The following PCDH15 variants were observed in gnomAD, a reference collection of about 807,000 sequenced individuals.
PCDH15 encodes the protein protocadherin related 15.
In PCDH15, 129 loss-of-function variants were observed where a neutral mutation model predicts 178.5. That is an observed-to-expected ratio of 0.72 (90% CI 0.63 to 0.84). The LOEUF (loss-of-function observed/expected upper bound fraction) is 0.84. Among genes scored for constraint, PCDH15 ranks in the 40% least tolerant of loss-of-function variants. PCDH15 has a pLI of 0.00. For synonymous variants in PCDH15, 800 were observed against 732.0 expected (o/e 1.09, Z -1.50); for missense variants, 2,230 against 2,099.9 (o/e 1.06, Z -1.21).
intron 23 of PCDH15, among the ~76,000 whole-genome samples, chr10:53,951,458 T>C (rs1310892565): frequency 1.3e-5 from 2 of 152,148 alleles, no homozygotes; most frequent in Non-Finnish European, 2.9e-5. Flanking sequence ...GGAAAGATAG[T>C]AGAGCAAGAA....
chr10:55,498,497 C>T (rs961330700), intron 2 of PCDH15, among the ~76,000 whole-genome samples: 4 of 151,872 alleles, frequency 2.6e-5, no homozygotes, highest in African/African-American at 9.7e-5. Flanking sequence ...AAATGAAGCA[C>T]ATAAACATGG....
rs976071545 is a variant in PCDH15 at position 55,152,237 on chromosome 10, T to C, written c.-80+14339A>G. ...TGTAGTCTGAAGCTACATCTCATAATCAAACATAATATTTCTACAGTGAAA... is the reference window on the plus strand; with the variant it reads ...TGTAGTCTGAAGCTACATCTCATAACCAAACATAATATTTCTACAGTGAAA... On this transcript the variant is annotated intron_variant, in intron 2 of 5. Transcript: ENST00000458638. Among the ~76,000 whole-genome samples the C allele has an allele frequency of 4.0e-4, 61 of 152,238 alleles. 1 individual carries two copies. The highest frequency in any genetic ancestry group is 1.4e-3 in the African/African-American group (60 of 41,572).
chr10:54,627,452 A>G (rs1353677891), intron 2 of PCDH15, among the ~76,000 whole-genome samples: 1 of 152,094 alleles, frequency 6.6e-6, no homozygotes, highest in Admixed American at 6.5e-5. Flanking sequence ...GATGGTTTTA[A>G]AAATGGAAGT....
intron 2 of PCDH15, among the ~76,000 whole-genome samples, chr10:55,567,533 A>G (rs1269868708): frequency 1.3e-5 from 2 of 151,950 alleles, no homozygotes; most frequent in African/African-American, 4.8e-5. Context: ...TATTTGCAGA[A>G]CATATATCTA....
chr10:53,857,197 T>A lies in PCDH15; in HGVS notation c.3784A>T (p.Lys1262Ter). Residue 1262 changes from lysine to a stop codon, truncating the protein, a stop_gained, in exon 28 of 38, where the codon AAA becomes TAA. Coordinates refer to ENST00000644397, the MANE Select transcript of PCDH15 (RefSeq NM_001384140.1). LOFTEE classifies it high-confidence loss of function. ...TACTCTGTAAGATCTTCTATCTTTT[T>A]TTCCACTAGAGTAGGAGGCACATTG... is the stretch of plus-strand genomic sequence containing the variant. Reference protein sequence around the residue: ...VSNVPPTLVEKKIEDLTEILD... With the variant: ...VSNVPPTLVE 6.2e-7 allele frequency: 1 copy of A among 1,606,716 alleles called. No homozygotes were observed.
intron 18 of PCDH15, among the ~76,000 whole-genome samples, chr10:54,048,395 C>CT (rs545027974): frequency 9.8e-4 from 149 of 152,164 alleles, no homozygotes; most frequent in African/African-American, 3.5e-3. Context: ...GCAGAAGCTC[C>CT]TTAGTTTAAT....
intron 2 of PCDH15, among the ~76,000 whole-genome samples, chr10:55,445,067 C>T (rs1232950749): frequency 1.3e-5 from 2 of 151,824 alleles, no homozygotes; most frequent in Non-Finnish European, 2.9e-5. Context: ...GAATGAAACT[C>T]CCAAAAAAAG....
chr10:54,305,853 A>C (rs2060435720), intron 8 of PCDH15, among the ~76,000 whole-genome samples: 1 of 151,916 alleles, frequency 6.6e-6, no homozygotes. Context: ...GCACACAAAG[A>C]CATTTCACCT....
intron 23 of PCDH15, among the ~76,000 whole-genome samples, chr10:53,949,029 T>G (rs1351147248): frequency 6.6e-6 from 1 of 152,246 alleles, no homozygotes; most frequent in East Asian, 1.9e-4. Flanking sequence ...TGCTAAATTC[T>G]AAACAGTGGA....
intron 1 of PCDH15, among the ~76,000 whole-genome samples, chr10:54,769,225 G>C (rs995463962): frequency 5.9e-5 from 9 of 151,834 alleles, no homozygotes; most frequent in African/African-American, 2.2e-4. Context: ...CACAGCCATA[G>C]ATAAAGTTAA....
intron 5 of PCDH15, among the ~76,000 whole-genome samples, chr10:54,365,289 T>G (rs1486784290): frequency 6.6e-6 from 1 of 152,110 alleles, no homozygotes; most frequent in Non-Finnish European, 1.5e-5. Context: ...CTGTGAGGAC[T>G]AAATAAGATA....
intron 10 of PCDH15, among the ~76,000 whole-genome samples, chr10:54,213,174 G>A (rs1437772115): frequency 6.6e-6 from 1 of 151,990 alleles, no homozygotes; most frequent in Non-Finnish European, 1.5e-5. Context: ...CTTTGCTTTT[G>A]TCTTTTCTTG....
chr10:55,148,571 T>G (rs1019553105), intron 2 of PCDH15, among the ~76,000 whole-genome samples: 1 of 151,930 alleles, frequency 6.6e-6, no homozygotes, highest in Non-Finnish European at 1.5e-5. Flanking sequence ...TCGTGGCTGG[T>G]TAAGATTAGT....
chr10:53,862,626 T>TTGA (rs1169266809), intron 27 of PCDH15, among the ~76,000 whole-genome samples: 7 of 152,138 alleles, frequency 4.6e-5, no homozygotes, highest in African/African-American at 1.7e-4. Context: ...AGTTGGTTGT[T>TTGA]TTCAATGAAA....
intron 9 of PCDH15, among the ~76,000 whole-genome samples, chr10:54,218,452 A>T (rs1279436220): frequency 6.6e-6 from 1 of 151,488 alleles, no homozygotes; most frequent in Non-Finnish European, 1.5e-5. Flanking sequence ...AGGTAATCAG[A>T]TTAAATGAGT....
At chr10:53,929,385 AATG>A (rs2084843262) in intron 25 of PCDH15, among the ~76,000 whole-genome samples, 2 of 152,160 alleles carry the variant, frequency 1.3e-5, no homozygotes, top group African/African-American at 4.8e-5. Context: ...AAATGCTGTT[AATG>A]ATATTATCGT....
chr10:54,815,227 T>C (rs1435593511), intron 3 of PCDH15, among the ~76,000 whole-genome samples: 1 of 151,990 alleles, frequency 6.6e-6, no homozygotes, highest in East Asian at 1.9e-4. Flanking sequence ...GAAAAAAGTA[T>C]GGCATGAATA....
At position 53,840,463 on chromosome 10, in the gene PCDH15, A is replaced by G. The variant is rs1304146421; in HGVS notation, c.3840T>C (p.Pro1280=). ...ILDRYVQEQI[P]GAKVVVESIG... is the part of the protein sequence containing the mutation. ...TGGACTCCACTACGACCTTGGCACC[A>G]GGAATTTGTTCCTGAACATAGCGAT... The change falls in exon 29 of 38, where the codon CCT becomes CCC. Residue 1280 remains proline, a synonymous_variant. Transcript: ENST00000644397. 11 of 1,614,056 alleles carry G rather than the reference A, an allele frequency of 6.8e-6. No homozygotes were observed. The Admixed American group carries it at 8.3e-5, about 12-fold the overall frequency.
chr10:53,811,313 C>G (rs893621090), intron 36 of PCDH15, among the ~76,000 whole-genome samples: 4 of 151,826 alleles, frequency 2.6e-5, no homozygotes, highest in Non-Finnish European at 4.4e-5. Flanking sequence ...ATAATTTTAC[C>G]GCATTTCTAG....
Sources: allele counts gnomAD v4.1 joint callset (sites outside exome capture counted in the v4.1 genomes callset), GRCh38; gene constraint gnomAD v4.1.1; transcripts MANE v1.5; gene names NCBI Gene and HGNC (gene_info 2026-07-23, HGNC 2026-07-21).